NIPA1: variants seen among roughly 807,000 people sequenced by gnomAD.
NIPA1 encodes the protein NIPA magnesium transporter 1.
A neutral mutation model predicts 23.9 loss-of-function variants in NIPA1; 13 were observed. That is an observed-to-expected ratio of 0.54 (90% confidence interval 0.35 to 0.87). The LOEUF (loss-of-function observed/expected upper bound fraction) is 0.87. NIPA1 is among the 40% of genes least tolerant of loss of function. The pLI, the probability that NIPA1 is intolerant of heterozygous loss-of-function variation, is 0.01. For missense variants in NIPA1, 362 were observed against 429.7 expected, an observed-to-expected ratio of 0.84 and a Z score of 1.39; for synonymous variants, 234 against 202.9, an observed-to-expected ratio of 1.15 and a Z score of -1.30.
intron 1 of NIPA1, among the ~76,000 whole-genome samples, chr15:22,792,984 A>C (rs1894863634): frequency 6.6e-6 from 1 of 152,212 alleles, no homozygotes; most frequent in Admixed American, 6.5e-5. Flanking sequence ...TTGGGTTGGT[A>C]GCGGGAGGCA....
intron 4 of NIPA1, among the ~76,000 whole-genome samples, chr15:22,821,406 A>G (rs115729767): frequency 0.018 from 2,678 of 152,282 alleles, 87 homozygotes; most frequent in African/African-American, 0.061. Context: ...CTGCCTCCAC[A>G]TCAGTTTGCT....
At chr15:22,817,414 G>A (rs1372823848) in intron 3 of NIPA1, among the ~76,000 whole-genome samples, 13 of 150,218 alleles carry the variant, frequency 8.7e-5, no homozygotes, top group Non-Finnish European at 1.3e-4. Context: ...CAGGAGAATC[G>A]CTTGAACCCA....
Position 22,828,256 on chromosome 15 carries a change from T to G in NIPA1, c.*4017T>G, listed in dbSNP as rs1895690934. On this transcript the variant is annotated 3_prime_UTR_variant, in exon 5 of 5. Transcript: ENST00000337435. Reference sequence around the variant, plus strand: ...AGGACATATCCGTGTTCATTTTTCATAGGTTTTACTCATATTCATAGGTAG... The same window carrying G: ...AGGACATATCCGTGTTCATTTTTCAGAGGTTTTACTCATATTCATAGGTAG... 1 of 152,652 alleles carries G rather than the reference T, an allele frequency of 6.6e-6. No homozygotes were observed. The highest frequency in any genetic ancestry group is 2.4e-5 in the African/African-American group (1 of 41,452). 9.5% of individuals were successfully genotyped at this position (152,652 alleles called of 1,614,324 possible). A position where few individuals can be genotyped will look rare whatever the true frequency, so the allele number is the denominator to read the frequency against.
intron 3 of NIPA1, among the ~76,000 whole-genome samples, chr15:22,814,513 T>C (rs1215743892): frequency 6.6e-6 from 1 of 152,156 alleles, no homozygotes; most frequent in Non-Finnish European, 1.5e-5. Flanking sequence ...TATGTATGTA[T>C]ATATGTATAT....
chr15:22,818,722 G>T (rs537554133), intron 3 of NIPA1, among the ~76,000 whole-genome samples: 1 of 151,460 alleles, frequency 6.6e-6, no homozygotes, highest in Non-Finnish European at 1.5e-5. Context: ...GCTTGAACCC[G>T]GGAGGCAGAG....
intron 1 of NIPA1, among the ~76,000 whole-genome samples, chr15:22,794,953 T>G (rs910380000): frequency 6.6e-6 from 1 of 152,074 alleles, no homozygotes; most frequent in Non-Finnish European, 1.5e-5. Flanking sequence ...ATCCCAGCTC[T>G]TCCAGGGCTG....
In NIPA1 at chr15:22,825,931, A is replaced by G. The variant is rs376065982; in HGVS notation, c.*1692A>G. The G allele has an allele frequency of 2.0e-5, 3 of 152,702 alleles. No homozygotes were observed. The East Asian group carries it at 5.8e-4, about 29-fold the overall frequency. The allele number at this position is 152,702 out of a possible 1,614,324, so 9.5% of individuals were successfully genotyped here. A position where few individuals can be genotyped will look rare whatever the true frequency, so the allele number is the denominator to read the frequency against. ...GGGAGCATAGCATGAAGTGATGCAC[A>G]TATTTCACCACGGTATCATGTACTT... On this transcript the variant is annotated 3_prime_UTR_variant, in exon 5 of 5. Transcript: ENST00000337435.
chr15:22,805,975 G>A (rs1211993947), intron 1 of NIPA1, among the ~76,000 whole-genome samples: 4 of 152,024 alleles, frequency 2.6e-5, no homozygotes, highest in East Asian at 3.9e-4. Context: ...CCAGGCTGGA[G>A]TGCAGTGGCG....
At chr15:22,815,652 C>A (rs1895400906) in intron 3 of NIPA1, among the ~76,000 whole-genome samples, 1 of 143,538 alleles carries the variant, frequency 7.0e-6, no homozygotes, top group African/African-American at 2.6e-5. Context: ...AAAGATAAAG[C>A]TCATTAAAAA....
rs776974806 is a variant in NIPA1, at chr15:22,824,199, A to G, written c.950A>G (p.Asn317Ser). Reference sequence around the variant, plus strand: ...CAGGTGTTCAAAGAGTTCAATTTCAACCTTGGGGAGATGAACAAATCTAAT... The same window carrying G: ...CAGGTGTTCAAAGAGTTCAATTTCAGCCTTGGGGAGATGAACAAATCTAAT... Reference protein sequence around the residue: ...LIQVFKEFNFNLGEMNKSNMK... With the variant: ...LIQVFKEFNFSLGEMNKSNMK... The change falls in exon 5 of 5, where the codon AAC becomes AGC. Residue 317 changes from asparagine to serine, a missense_variant. Around this residue, in one of 2 missense-constraint regions of NIPA1, gnomAD observed 277 missense variants for 372.0 expected, o/e 0.74. Transcript: ENST00000337435. The surrounding 1 kb of genome is among the most constrained non-coding windows in gnomAD (Gnocchi z 4.1). 1 of 1,613,538 alleles carries G rather than the reference A, an allele frequency of 6.2e-7. No homozygotes were observed. The highest frequency in any genetic ancestry group is 1.7e-5 in the Admixed American group (1 of 60,020).
Position 22,810,771 on chromosome 15 carries a change from T to C in NIPA1, c.201T>C (p.Ile67=), listed in dbSNP as rs746026252. 15 of 1,610,910 alleles carry C rather than the reference T, an allele frequency of 9.3e-6. No homozygotes were observed. In the African/African-American group the frequency reaches 1.2e-4, roughly 13 times the overall value. The stretch of plus-strand genomic sequence containing the variant: ...TAGGTACTTCCTATTTAACAGACAT[T>C]GTGTGGTGGGCTGGCACAATCGCAA... ...KRRGTSYLTD[I]VWWAGTIAMA... is the part of the protein sequence containing the mutation. The change falls in exon 2 of 5, where the codon ATT becomes ATC. Residue 67 remains isoleucine (I), a synonymous_variant. Transcript: ENST00000337435.
intron 3 of NIPA1, chr15:22,813,569 G>T (rs1895359509): frequency 4.4e-6 from 2 of 449,602 alleles, no homozygotes; most frequent in African/African-American, 2.0e-5. Flanking sequence ...TAAAAATAGG[G>T]TAGAAGAGAA....
At position 22,786,824 on chromosome 15, in the gene NIPA1, C is replaced by G. The variant is rs1201840581; in HGVS notation, c.168C>G (p.Ala56=). 1 of 1,224,438 alleles carries G rather than the reference C, an allele frequency of 8.2e-7. No individual in the cohort carries two copies. The highest frequency in any genetic ancestry group is 1.9e-5 in the South Asian group (1 of 53,854). The allele number at this position is 1,224,438 out of a possible 1,614,324, so 75.8% of individuals were successfully genotyped here. The change falls in exon 1 of 5, where the codon GCC becomes GCG. Residue 56 remains alanine (A), a synonymous_variant. Transcript: ENST00000337435. ...FVLQKKGIVR[A]KRRGTSYLTD... The stretch of plus-strand genomic sequence containing the variant: ...TACAGAAGAAGGGCATCGTGCGTGC[C>G]AAGCGGCGAGGTAGGGCGGGCGGCA...
At chr15:22,817,249 C>T (rs1307838256) in intron 3 of NIPA1, among the ~76,000 whole-genome samples, 1 of 150,754 alleles carries the variant, frequency 6.6e-6, no homozygotes, top group Non-Finnish European at 1.5e-5. Flanking sequence ...CCTGTAATCC[C>T]AGCACTTTGG....
At chr15:22,802,409 A>AAAT (rs33914827) in intron 1 of NIPA1, among the ~76,000 whole-genome samples, 1 of 150,916 alleles carries the variant, frequency 6.6e-6, no homozygotes, top group Non-Finnish European at 1.5e-5. Flanking sequence ...AAAAAAAAAA[A>AAAT]TTTAAACCAC....
chr15:22,787,547 C>G (rs570972633), intron 1 of NIPA1, among the ~76,000 whole-genome samples: 1 of 152,364 alleles, frequency 6.6e-6, no homozygotes, highest in East Asian at 1.9e-4. Context: ...GGATGTGCCG[C>G]AGCACCGCAC....
At chr15:22,794,621 G>T (rs1449587674) in intron 1 of NIPA1, among the ~76,000 whole-genome samples, 1 of 152,072 alleles carries the variant, frequency 6.6e-6, no homozygotes, top group African/African-American at 2.4e-5. Flanking sequence ...GAAGGGAGTT[G>T]TCTCGTGAGA....
chr15:22,822,801 T>C (rs1056208168), intron 4 of NIPA1, among the ~76,000 whole-genome samples: 1 of 150,208 alleles, frequency 6.7e-6, no homozygotes, highest in East Asian at 2.0e-4. Flanking sequence ...CAATCCAGCC[T>C]GGGCAACAAA....
At chr15:22,806,290 C>T (rs968230525) in intron 1 of NIPA1, among the ~76,000 whole-genome samples, 13 of 152,296 alleles carry the variant, frequency 8.5e-5, no homozygotes, top group African/African-American at 2.9e-4. Flanking sequence ...GCCACATGCC[C>T]CTGGTTGGAC....
Sources: allele counts gnomAD v4.1 joint callset (sites outside exome capture counted in the v4.1 genomes callset), GRCh38; gene constraint gnomAD v4.1.1; regional missense constraint gnomAD v4.1.1; non-coding constraint Gnocchi (gnomAD v3.1); transcripts MANE v1.5; gene names NCBI Gene and HGNC (gene_info 2026-07-23, HGNC 2026-07-21).